The following UHRF1 variants were observed in gnomAD, a reference collection of about 807,000 sequenced individuals.
The protein encoded by UHRF1 is E3 ubiquitin-protein ligase UHRF1.
Under a neutral mutation model 96.5 loss-of-function variants are expected in UHRF1, and 9 were observed. The ratio of observed to expected loss-of-function variants is 0.09; its 90% CI spans 0.06 to 0.16. UHRF1 has a LOEUF of 0.16. Among genes scored for constraint, UHRF1 ranks in the 10% least tolerant of loss-of-function variants. UHRF1 has a pLI of 1.00. For synonymous variants in UHRF1, 455 were observed against 469.9 expected (o/e 0.97, Z 0.41); for missense variants, 626 against 1,131.1 (o/e 0.55, Z 6.40).
intron 7 of UHRF1, among the ~76,000 whole-genome samples, chr19:4,943,187 C>T (rs1457069202): frequency 6.6e-6 from 1 of 152,022 alleles, no homozygotes; most frequent in Non-Finnish European, 1.5e-5. Flanking sequence ...TTGCCGTGAA[C>T]TGAGATCGCG....
At chr19:4,957,266 T>A (rs1050659764) in intron 16 of UHRF1, among the ~76,000 whole-genome samples, 25 of 146,476 alleles carry the variant, frequency 1.7e-4, no homozygotes, top group African/African-American at 6.4e-4. Context: ...AAGTGGTCAG[T>A]CGTAGGAGGG....
chr19:4,909,316 C>T (rs554270576), upstream of UHRF1: 193 of 556,424 alleles, frequency 3.5e-4, 1 homozygote, highest in East Asian at 1.0e-3. Flanking sequence ...CAGCAGAGCG[C>T]GCAGGGCTGG....
rs756439057 is a variant in UHRF1, at chr19:4,911,047, G to A, written c.153+9G>A. The A allele has an allele frequency of 1.3e-6, 2 of 1,572,114 alleles. No homozygotes were observed. The highest frequency in any genetic ancestry group is 1.7e-6 in the Non-Finnish European group (2 of 1,155,478). On this transcript the variant is annotated intron_variant, in intron 2 of 16. Coordinates refer to ENST00000650932, the MANE Select transcript of UHRF1 (RefSeq NM_001048201.3). ...TCTACAGGGGCAAACAGGTACACCC[G>A]CCGCCAGCACCTTTGTTCTATGCCT...
At position 4,941,761 on chromosome 19, in the gene UHRF1, C is replaced by G; in HGVS notation, c.903C>G (p.Ser301=). 1 of 1,550,576 alleles carries G rather than the reference C, an allele frequency of 6.4e-7. No homozygotes were observed. The highest frequency in any genetic ancestry group is 8.7e-7 in the Non-Finnish European group (1 of 1,147,304). ...CGTGCCCAGGGAAGAGCGGGCCGTC[C>G]TGCAAGCACTGCAAGGACGACGTGA... ...DNPMRRKSGP[S]CKHCKDDVNR... Residue 301 remains serine (S), a synonymous_variant, in exon 7 of 17, where the codon TCC becomes TCG. Transcript: ENST00000650932.
chr19:4,950,142 A>AT (rs150838053), intron 11 of UHRF1, among the ~76,000 whole-genome samples: 6,469 of 150,700 alleles, frequency 0.043, 472 homozygotes, highest in African/African-American at 0.15. Context: ...GAGTACTGGG[A>AT]TTAGAGGCGT....
At chr19:4,907,608 C>T (rs1599229132), upstream of UHRF1, among the ~76,000 whole-genome samples, 1 of 149,676 alleles carries the variant, frequency 6.7e-6, no homozygotes, top group Middle Eastern at 3.6e-3. Flanking sequence ...GGTCAGAAGT[C>T]TGAAATAAAT....
chr19:4,942,037 T>G (rs1376942368), intron 7 of UHRF1, 106 bp downstream of exon 7: 3 of 1,250,348 alleles, frequency 2.4e-6, no homozygotes, highest in Non-Finnish European at 3.1e-6. Flanking sequence ...GGCTCACGCC[T>G]GCAATCCCAG....
At chr19:4,938,603 C>G (rs547947043) in intron 5 of UHRF1, among the ~76,000 whole-genome samples, 29 of 151,860 alleles carry the variant, frequency 1.9e-4, no homozygotes, top group African/African-American at 7.0e-4. Flanking sequence ...TCTCAGCTCA[C>G]TGCAACCCCC....
At chr19:4,925,889 CTTTCTTTCTTTT>C (rs1337240225) in intron 2 of UHRF1, among the ~76,000 whole-genome samples, 5 of 149,920 alleles carry the variant, frequency 3.3e-5, no homozygotes, top group East Asian at 2.0e-4. Context: ...TTTTTCTTTT[CTTTCTTTCTTTT>C]TTTCTTTCTT....
intron 2 of UHRF1, among the ~76,000 whole-genome samples, chr19:4,911,824 G>T (rs763630176): frequency 6.6e-6 from 1 of 152,168 alleles, no homozygotes; most frequent in East Asian, 1.9e-4. Flanking sequence ...CAGTGTGATC[G>T]AAGGTGTAGG....
At chr19:4,915,348 G>T (rs1432715765) in intron 2 of UHRF1, among the ~76,000 whole-genome samples, 1 of 152,224 alleles carries the variant, frequency 6.6e-6, no homozygotes, top group East Asian at 1.9e-4. Context: ...CACTGCTGTT[G>T]TGGCCCCGAA....
rs2033982562 is a variant in UHRF1, at chr19:4,961,405, AGCGT to A, written c.*603_*606del. On this transcript the variant is annotated 3_prime_UTR_variant, in exon 17 of 17. Transcript: ENST00000650932. ...AAAGCCATCCCCCACCAGACTGCTT[AGCGT>A]CTGAGATCCGCGTGAAAAGTCCTCT... 5 of 150,106 alleles carry A rather than the reference AGCGT, an allele frequency of 3.3e-5. No individual in the cohort carries two copies. In the Admixed American group the frequency reaches 3.3e-4, roughly 10 times the overall value. 9.3% of individuals were successfully genotyped at this position (150,106 alleles called of 1,614,324 possible).
At position 4,930,805 on chromosome 19, in the gene UHRF1, G is replaced by A. The variant is rs748876035; in HGVS notation, c.498G>A (p.Arg166=). 1.2e-6 allele frequency: 2 copies of A among 1,613,974 alleles called. No individual in the cohort carries two copies. Among genetic ancestry groups the A allele is most frequent in the South Asian group, 2.2e-5 (2 of 91,080 alleles). ...GGGTGACGCGGAAGGCCCCCTCCCG[G>A]GACGAGCCCTGCAGCTCCACGTCCA... ...VVRVTRKAPS[R]DEPCSSTSRP... The change falls in exon 4 of 17, where the codon CGG becomes CGA. Residue 166 remains arginine (R), a synonymous_variant. Transcript: ENST00000650932. The surrounding 1 kb of genome is among the most constrained non-coding windows in gnomAD (Gnocchi z 4.4).
intron 1 of UHRF1, chr19:4,910,635 C>T (rs2032230051): frequency 1.0e-5 from 4 of 395,454 alleles, no homozygotes; most frequent in South Asian, 1.1e-4. Context: ...CTTTCAATTC[C>T]CTCTTTTCAT....
chr19:4,914,397 C>CT (rs974034954), intron 2 of UHRF1, among the ~76,000 whole-genome samples: 64 of 151,664 alleles, frequency 4.2e-4, no homozygotes, highest in South Asian at 8.4e-4. Flanking sequence ...TGTTCACAGT[C>CT]TTTTTTTTTC....
rs1045198941 is a variant in UHRF1, at chr19:4,930,098, C to T, written c.409-618C>T. Among the ~76,000 whole-genome samples, 1 of 152,196 alleles carries T rather than the reference C, an allele frequency of 6.6e-6. No homozygotes were observed. The highest frequency in any genetic ancestry group is 1.5e-5 in the Non-Finnish European group (1 of 68,048). ...CAAGCAATTCTCGTGCCTCAGCCTC[C>T]TGAGTAGCTGGGATTACAGGCATGT... On this transcript the variant is annotated intron_variant, in intron 3 of 16. Coordinates refer to ENST00000650932, the MANE Select transcript of UHRF1 (RefSeq NM_001048201.3). This position sits in a 1 kb window ranked among gnomAD's most constrained non-coding sequence, Gnocchi z 4.4.
upstream of UHRF1, among the ~76,000 whole-genome samples, chr19:4,907,368 C>T (rs2032085689): frequency 6.6e-6 from 1 of 152,160 alleles, no homozygotes; most frequent in Non-Finnish European, 1.5e-5. Flanking sequence ...TTCCCAGGTT[C>T]AAGCAATTCT....
At chr19:4,959,831 C>T (rs779318132) in intron 16 of UHRF1, among the ~76,000 whole-genome samples, 10 of 151,794 alleles carry the variant, frequency 6.6e-5, no homozygotes, top group East Asian at 1.9e-4. Context: ...CTTCAGCCTC[C>T]GGAGTAGCCA....
chr19:4,929,750 A>G (rs1032662612), intron 3 of UHRF1, among the ~76,000 whole-genome samples: 8 of 152,040 alleles, frequency 5.3e-5, no homozygotes, highest in African/African-American at 1.9e-4. Flanking sequence ...ACTTGCTGCT[A>G]CCATGTAAGA....
Sources: allele counts gnomAD v4.1 joint callset (sites outside exome capture counted in the v4.1 genomes callset), GRCh38; gene constraint gnomAD v4.1.1; non-coding constraint Gnocchi (gnomAD v3.1); transcripts MANE v1.5; gene names NCBI Gene and HGNC (gene_info 2026-07-23, HGNC 2026-07-21).